Variants in KCNH7 observed in about 807,000 individuals in gnomAD.
KCNH7 encodes voltage-gated inwardly rectifying potassium channel KCNH7.
Under a neutral mutation model 120.8 loss-of-function variants are expected in KCNH7, and 49 were observed. That is an observed-to-expected ratio of 0.41 (90% CI 0.32 to 0.51). The LOEUF is 0.51. Among genes scored for constraint, KCNH7 ranks in the 20% least tolerant of loss-of-function variants. KCNH7 has a pLI of 0.38. For synonymous variants in KCNH7, 547 were observed against 516.1 expected, an observed-to-expected ratio of 1.06 and a Z score of -0.81; for missense variants, 1,097 against 1,446.6, an observed-to-expected ratio of 0.76 and a Z score of 3.92.
Position 162,781,106 on chromosome 2 carries a change from G to A in KCNH7, c.307+55431C>T, listed in dbSNP as rs1683465822. Among the ~76,000 whole-genome samples, 5 of 152,082 alleles carry A rather than the reference G, an allele frequency of 3.3e-5. No individual in the cohort carries two copies. The South Asian group carries it at 1.0e-3, about 32-fold the overall frequency. Reference sequence around the variant, plus strand: ...TTTTAATTATATTTCTGAGGAAACTGAGAACCAGAGGTTTGAAGTATTATA... The same window carrying A: ...TTTTAATTATATTTCTGAGGAAACTAAGAACCAGAGGTTTGAAGTATTATA... On this transcript the variant is annotated intron_variant, in intron 2 of 15. Transcript: ENST00000332142.
intron 2 of KCNH7, among the ~76,000 whole-genome samples, chr2:162,542,464 C>T (rs58901541): frequency 0.086 from 12,199 of 142,100 alleles, 575 homozygotes; most frequent in African/African-American, 0.11. Flanking sequence ...TGTGTTCTCA[C>T]TGTTCAATTC....
At chr2:162,668,189 A>C (rs1256194742) in intron 2 of KCNH7, among the ~76,000 whole-genome samples, 1 of 152,222 alleles carries the variant, frequency 6.6e-6, no homozygotes, top group Non-Finnish European at 1.5e-5. Flanking sequence ...GAATCTAGGA[A>C]GGTAACTATT....
intron 2 of KCNH7, among the ~76,000 whole-genome samples, chr2:162,703,057 G>T (rs1428231161): frequency 6.6e-6 from 1 of 152,114 alleles, no homozygotes; most frequent in Non-Finnish European, 1.5e-5. Context: ...TATCACCAGG[G>T]TTGAATAAAC....
At chr2:162,659,552 G>A (rs999705155) in intron 2 of KCNH7, among the ~76,000 whole-genome samples, 6 of 151,964 alleles carry the variant, frequency 3.9e-5, no homozygotes, top group Non-Finnish European at 7.4e-5. Context: ...GTATTGGCCA[G>A]GCTTGTGTCA....
intron 2 of KCNH7, among the ~76,000 whole-genome samples, chr2:162,682,523 C>T (rs1455559369): frequency 6.6e-6 from 1 of 151,688 alleles, no homozygotes; most frequent in Non-Finnish European, 1.5e-5. Flanking sequence ...ACTCTTATTT[C>T]AGAATTTGTG....
Position 162,379,861 on chromosome 2 carries a change from T to A in KCNH7, c.3123A>T (p.Gln1041His). 6.2e-7 allele frequency: 1 copy of A among 1,613,952 alleles called. No homozygotes were observed. The highest frequency in any genetic ancestry group is 1.3e-5 in the African/African-American group (1 of 75,044). The change falls in exon 14 of 16, where the codon CAA (glutamine) becomes CAT (histidine). Residue 1041 changes from glutamine (Q) to histidine (H), a missense_variant. Around this residue, in one of 8 missense-constraint regions of KCNH7, gnomAD observed 406 missense variants for 410.5 expected, o/e 0.99. Coordinates refer to ENST00000332142, the MANE Select transcript of KCNH7 (RefSeq NM_033272.4). ...VEQRLDLLQEQLNRLESQMTT... is the reference protein window; with the variant it reads ...VEQRLDLLQEHLNRLESQMTT... ...CCCATCACTGCTTATACCTGTTAAG[T>A]TGCTCCTGGAGCAGATCTAATCTTT...
intron 8 of KCNH7, among the ~76,000 whole-genome samples, chr2:162,431,006 C>T (rs990645257): frequency 5.3e-5 from 8 of 151,894 alleles, no homozygotes; most frequent in Non-Finnish European, 1.2e-4. Flanking sequence ...ATTATACACA[C>T]TTTTAAAATG....
chr2:162,597,702 T>C (rs1694423401), intron 2 of KCNH7, among the ~76,000 whole-genome samples: 1 of 152,052 alleles, frequency 6.6e-6, no homozygotes, highest in Non-Finnish European at 1.5e-5. Context: ...TTTTAAATGT[T>C]CTCACTGCAA....
chr2:162,530,463 A>C (rs78537449), intron 3 of KCNH7, among the ~76,000 whole-genome samples: 19,739 of 151,176 alleles, frequency 0.13, 4,060 homozygotes, highest in African/African-American at 0.43. Flanking sequence ...AGTGTGCGCG[A>C]GCGTGCGCGC....
intron 2 of KCNH7, among the ~76,000 whole-genome samples, chr2:162,816,257 CAAAAAAAAAAAAA>C (rs10599191): frequency 3.8e-4 from 23 of 60,002 alleles, no homozygotes; most frequent in African/African-American, 1.3e-3. Flanking sequence ...AACTCCATCT[CAAAAAAAAAAAAA>C]AAAAAAAAAA....
intron 2 of KCNH7, among the ~76,000 whole-genome samples, chr2:162,633,770 A>T (rs2105222087): frequency 6.6e-6 from 1 of 152,022 alleles, no homozygotes; most frequent in East Asian, 1.9e-4. Flanking sequence ...TTGTTTACTC[A>T]TTTCAGCTTT....
chr2:162,527,662 C>A (rs1691758353), intron 3 of KCNH7, among the ~76,000 whole-genome samples: 1 of 151,928 alleles, frequency 6.6e-6, no homozygotes, highest in Admixed American at 6.6e-5. Flanking sequence ...GGCTTAGCTT[C>A]AGTTGAAGCT....
In KCNH7 at chr2:162,517,921, G is replaced by A; in HGVS notation, c.701C>T (p.Pro234Leu). 7.4e-6 allele frequency: 12 copies of A among 1,612,348 alleles called. No homozygotes were observed. Among genetic ancestry groups the A allele is most frequent in the Non-Finnish European group, 9.3e-6 (11 of 1,178,880 alleles). Residue 234 changes from proline to leucine, a missense_variant, in exon 4 of 16, where the codon CCT becomes CTT. By Grantham distance (98) the Pro-to-Leu change is moderately conservative. Around this residue, in one of 8 missense-constraint regions of KCNH7, gnomAD observed 362 missense variants for 372.2 expected, o/e 0.97. Coordinates refer to ENST00000332142, the MANE Select transcript of KCNH7 (RefSeq NM_033272.4). ...KCSPLVNISG[P>L]LDHSSPKRQW... ...CCTTTTGGGAGAGGAATGGTCAAGA[G>A]GTCCGGATATATTCACCAAGGGAGA...
chr2:162,475,520 A>G (rs1299528130), intron 6 of KCNH7, among the ~76,000 whole-genome samples: 16 of 152,194 alleles, frequency 1.1e-4, no homozygotes, highest in Admixed American at 1.0e-3. Context: ...ACATCTTACA[A>G]TGTTATGTTA....
chr2:162,781,070 T>C (rs1039166500), intron 2 of KCNH7, among the ~76,000 whole-genome samples: 1 of 152,040 alleles, frequency 6.6e-6, no homozygotes, highest in Non-Finnish European at 1.5e-5. Flanking sequence ...TTAAAGATAC[T>C]CTATTTTAAT....
chr2:162,474,105 A>G (rs985424752), intron 6 of KCNH7, among the ~76,000 whole-genome samples: 1 of 152,208 alleles, frequency 6.6e-6, no homozygotes, highest in African/African-American at 2.4e-5. Flanking sequence ...AATTTTCACA[A>G]TAATCCTATA....
At chr2:162,420,384 A>C (rs1687664781) in intron 9 of KCNH7, among the ~76,000 whole-genome samples, 1 of 152,112 alleles carries the variant, frequency 6.6e-6, no homozygotes, top group Non-Finnish European at 1.5e-5. Context: ...TCAAAAACAA[A>C]AACAAAAACA....
intron 2 of KCNH7, among the ~76,000 whole-genome samples, chr2:162,711,062 C>T (rs915631066): frequency 2.0e-5 from 3 of 152,042 alleles, no homozygotes; most frequent in African/African-American, 7.2e-5. Flanking sequence ...AATACATTTC[C>T]ATGTGTCTGA....
chr2:162,481,385 C>T (rs1689925031), intron 6 of KCNH7, among the ~76,000 whole-genome samples: 1 of 152,148 alleles, frequency 6.6e-6, no homozygotes, highest in South Asian at 2.1e-4. Flanking sequence ...AAGAATCAAA[C>T]AATACAGTCA....
Sources: allele counts gnomAD v4.1 joint callset (sites outside exome capture counted in the v4.1 genomes callset), GRCh38; gene constraint gnomAD v4.1.1; regional missense constraint gnomAD v4.1.1; transcripts MANE v1.5; gene names NCBI Gene and HGNC (gene_info 2026-07-23, HGNC 2026-07-21).